Variants in ZNF469 observed in about 807,000 individuals in gnomAD.
ZNF469 encodes zinc finger protein 469.
ZNF469 carries 1 observed loss-of-function variant against 1.0 expected under a neutral mutation model. The ratio of observed to expected loss-of-function variants is 1.00; its 90% CI spans 0.35 to 4.73. ZNF469 has a LOEUF of 4.73. Ranked by LOEUF, ZNF469 falls within the 30% of genes most tolerant of loss-of-function variation. The pLI is 0.16. For synonymous variants in ZNF469, 2,703 were observed against 2,363.4 expected (o/e 1.14, Z -4.17); for missense variants, 6,100 against 5,356.3 (o/e 1.14, Z -4.33).
At chr16:88,386,817 T>C (rs573377708) in intron 1 of ZNF469, among the ~76,000 whole-genome samples, 1 of 152,192 alleles carries the variant, frequency 6.6e-6, no homozygotes, top group East Asian at 1.9e-4. Context: ...TGGAAGGCAG[T>C]GGGTGGTTCC....
intron 1 of ZNF469, among the ~76,000 whole-genome samples, chr16:88,407,139 C>T (rs555276430): frequency 1.9e-5 from 2 of 106,260 alleles, no homozygotes; most frequent in South Asian, 2.5e-4. Context: ...GGTGTGTGCC[C>T]GGCGCTCTGT....
intron 1 of ZNF469, among the ~76,000 whole-genome samples, chr16:88,417,287 C>A (rs1317051672): frequency 1.3e-5 from 2 of 152,166 alleles, no homozygotes; most frequent in Non-Finnish European, 2.9e-5. Flanking sequence ...GTGAAGTGGG[C>A]ACACTGACCG....
At chr16:88,233,388 G>A in the ZNF469 span, among the ~76,000 whole-genome samples, 1 of 152,238 alleles carries the variant, frequency 6.6e-6, no homozygotes, top group African/African-American at 2.4e-5. Context: ...TCCAAAGTCT[G>A]GGGGCCACCT....
intron 1 of ZNF469, among the ~76,000 whole-genome samples, chr16:88,422,425 A>G (rs55951809): frequency 0.86 from 110,967 of 129,722 alleles, 47,918 homozygotes; most frequent in South Asian, 0.96. Context: ...AAATGGTAAA[A>G]GGGTGGATGG....
the ZNF469 span, among the ~76,000 whole-genome samples, chr16:88,185,804 C>T: frequency 6.6e-6 from 1 of 151,650 alleles, no homozygotes; most frequent in African/African-American, 2.4e-5. Flanking sequence ...AGTACTCGCA[C>T]ACACACGCAT....
chr16:88,209,068 T>C, the ZNF469 span, among the ~76,000 whole-genome samples: 1 of 152,168 alleles, frequency 6.6e-6, no homozygotes, highest in East Asian at 1.9e-4. Context: ...GCTTCTTTTG[T>C]TTCTATCTGC....
chr16:88,146,937 T>C, the ZNF469 span, among the ~76,000 whole-genome samples: 2 of 152,000 alleles, frequency 1.3e-5, no homozygotes, highest in African/African-American at 4.8e-5. Context: ...GGTGGCCTCC[T>C]GGGGGTGTCT....
the ZNF469 span, among the ~76,000 whole-genome samples, chr16:88,307,181 T>G: frequency 6.6e-6 from 1 of 152,260 alleles, no homozygotes; most frequent in African/African-American, 2.4e-5. Flanking sequence ...TGTCAGCACT[T>G]CATTCCTTCT....
At chr16:88,176,498 C>T in the ZNF469 span, among the ~76,000 whole-genome samples, 1 of 152,092 alleles carries the variant, frequency 6.6e-6, no homozygotes, top group African/African-American at 2.4e-5. Flanking sequence ...TGCCTCCAGC[C>T]CCTGCCAGGA....
the ZNF469 span, among the ~76,000 whole-genome samples, chr16:88,120,574 G>A: frequency 3.3e-5 from 5 of 152,232 alleles, no homozygotes; most frequent in Admixed American, 1.3e-4. Flanking sequence ...CTCCACGGCC[G>A]CAGCAGGGAG....
At chr16:88,305,192 T>C in the ZNF469 span, among the ~76,000 whole-genome samples, 1 of 152,180 alleles carries the variant, frequency 6.6e-6, no homozygotes, top group Admixed American at 6.5e-5. Flanking sequence ...GATGTCTGCA[T>C]GTGCAGGAAA....
rs1180798001 is a variant in ZNF469 at position 88,429,043 on chromosome 16, G to C, written c.1573G>C (p.Gly525Arg). The change falls in exon 3 of 3, where the codon GGC becomes CGC. Residue 525 changes from glycine (G) to arginine (R), a missense_variant. Coordinates refer to ENST00000565624, the MANE Select transcript of ZNF469 (RefSeq NM_001367624.2). Reference sequence around the variant, plus strand: ...CAGCCAAGGAGCCCTGGGCACTGCTGGCAAGACACCGGGACCCAGAGAGAA... The same window carrying C: ...CAGCCAAGGAGCCCTGGGCACTGCTCGCAAGACACCGGGACCCAGAGAGAA... ...GGSQGALGTA[G>R]KTPGPREKLP... 6 of 1,549,878 alleles carry C rather than the reference G, an allele frequency of 3.9e-6. No homozygotes were observed. Among genetic ancestry groups the C allele is most frequent in the African/African-American group, 2.7e-5 (2 of 73,140 alleles).
At chr16:88,329,361 G>T in the ZNF469 span, among the ~76,000 whole-genome samples, 1 of 152,230 alleles carries the variant, frequency 6.6e-6, no homozygotes, top group African/African-American at 2.4e-5. Flanking sequence ...GATAAGGGAG[G>T]GTGTGTGAGA....
At chr16:88,315,633 G>T in the ZNF469 span, among the ~76,000 whole-genome samples, 1 of 152,194 alleles carries the variant, frequency 6.6e-6, no homozygotes, top group African/African-American at 2.4e-5. Flanking sequence ...GGCCATCCTA[G>T]TCCAGGGCTG....
At chr16:88,153,114 C>T in the ZNF469 span, among the ~76,000 whole-genome samples, 1 of 152,192 alleles carries the variant, frequency 6.6e-6, no homozygotes, top group East Asian at 1.9e-4. Context: ...GTTGGCGGGG[C>T]CGGGGGTGTG....
In ZNF469 at chr16:88,438,991, CCT is replaced by C; in HGVS notation, c.11522_11523del (p.Pro3841ArgfsTer74). ...GAGCTTCGGGAGAGCCCCCTCAGCC[CCT>C]GACAAGCCCCCCCGGACCCCTCGGA... ...VGSFGRAPSA[P>X]DKPPRTPRKQ... is the part of the protein sequence containing the mutation. On this transcript the variant is annotated frameshift_variant, in exon 3 of 3. Coordinates refer to ENST00000565624, the MANE Select transcript of ZNF469 (RefSeq NM_001367624.2). LOFTEE classifies it low-confidence loss of function (END_TRUNC). 1.3e-6 allele frequency: 2 copies of C among 1,550,404 alleles called. No homozygotes were observed. Among genetic ancestry groups the C allele is most frequent in the Non-Finnish European group, 1.7e-6 (2 of 1,146,958 alleles).
At chr16:88,151,365 C>T in the ZNF469 span, among the ~76,000 whole-genome samples, 30 of 152,374 alleles carry the variant, frequency 2.0e-4, no homozygotes, top group African/African-American at 2.9e-4. The surrounding 1 kb of genome is among the most constrained non-coding windows in gnomAD (Gnocchi z 5.4). Context: ...GCTTAAAACA[C>T]GGAAGCCGGG....
the ZNF469 span, among the ~76,000 whole-genome samples, chr16:88,280,757 G>C: frequency 6.6e-6 from 1 of 151,350 alleles, no homozygotes; most frequent in Non-Finnish European, 1.5e-5. Flanking sequence ...TGTTGGTGCT[G>C]TGTCACCCTG....
At chr16:88,288,146 G>A in the ZNF469 span, among the ~76,000 whole-genome samples, 3 of 152,062 alleles carry the variant, frequency 2.0e-5, no homozygotes, top group Admixed American at 1.3e-4. Flanking sequence ...AACATTTTGC[G>A]AGTCTCCTTT....
Sources: allele counts gnomAD v4.1 joint callset (sites outside exome capture counted in the v4.1 genomes callset), GRCh38; gene constraint gnomAD v4.1.1; non-coding constraint Gnocchi (gnomAD v3.1); transcripts MANE v1.5; gene names NCBI Gene and HGNC (gene_info 2026-07-23, HGNC 2026-07-21).